The following MAK variants were observed in gnomAD, a reference collection of about 807,000 sequenced individuals.
The protein encoded by MAK is male germ cell associated kinase.
Under a neutral mutation model 82.6 loss-of-function variants are expected in MAK, and 65 were observed. The ratio of observed to expected loss-of-function variants is 0.79; its 90% CI spans 0.64 to 0.97. The LOEUF (loss-of-function observed/expected upper bound fraction) is 0.97, where lower values mean the gene tolerates loss of function less well. Ranked by LOEUF, MAK falls within the 50% of genes least tolerant of loss-of-function variation. MAK has a pLI of 0.00. For missense variants in MAK, 703 were observed against 780.2 expected (o/e 0.90, Z 1.18); for synonymous variants, 250 against 274.2 (o/e 0.91, Z 0.87).
intron 1 of MAK, chr6:10,838,022 A>T (rs112279545): frequency 6.6e-6 from 1 of 152,376 alleles, no homozygotes; most frequent in Non-Finnish European, 1.5e-5. Context: ...CCCTCCTTTT[A>T]GATTTTGCAA....
chr6:10,825,274 C>T (rs57007779), intron 2 of MAK, among the ~76,000 whole-genome samples: 3,495 of 152,210 alleles, frequency 0.023, 129 homozygotes, highest in African/African-American at 0.079. Context: ...CAATGTTGAG[C>T]CATTGAAAGA....
intron 6 of MAK, among the ~76,000 whole-genome samples, chr6:10,808,405 C>G (rs1485046180): frequency 6.6e-6 from 1 of 152,182 alleles, no homozygotes; most frequent in Non-Finnish European, 1.5e-5. Context: ...GGATTCATGT[C>G]TTCTGGTGAA....
intron 4 of MAK, among the ~76,000 whole-genome samples, chr6:10,815,246 A>T (rs563506406): frequency 6.6e-6 from 1 of 152,330 alleles, no homozygotes; most frequent in Non-Finnish European, 1.5e-5. Context: ...AGCTTGGGTG[A>T]CACAGCAAGA....
chr6:10,807,336 C>CTTTTTTTTT (rs35237927), intron 6 of MAK, among the ~76,000 whole-genome samples: 1 of 73,734 alleles, frequency 1.4e-5, no homozygotes, highest in Non-Finnish European at 2.4e-5. Flanking sequence ...ACATATATTC[C>CTTTTTTTTT]TTTTTTTTTT....
At chr6:10,782,297 G>C (rs902691926) in intron 11 of MAK, among the ~76,000 whole-genome samples, 2 of 151,722 alleles carry the variant, frequency 1.3e-5, no homozygotes, top group Admixed American at 1.3e-4. Context: ...CAAATACCCA[G>C]GGTTATAAAG....
chr6:10,835,874 A>G (rs974956925), intron 1 of MAK, among the ~76,000 whole-genome samples: 4 of 152,194 alleles, frequency 2.6e-5, no homozygotes, highest in African/African-American at 9.7e-5. Flanking sequence ...CTCTTCCACT[A>G]TTAAGGCCAT....
intron 6 of MAK, among the ~76,000 whole-genome samples, chr6:10,805,674 G>A (rs1266193770): frequency 1.3e-5 from 2 of 151,860 alleles, no homozygotes; most frequent in African/African-American, 4.8e-5. Context: ...TTCATCATAT[G>A]TTGTTTCACT....
At chr6:10,765,338 T>C (rs1229931717) in intron 14 of MAK, among the ~76,000 whole-genome samples, 1 of 152,084 alleles carries the variant, frequency 6.6e-6, no homozygotes, top group Non-Finnish European at 1.5e-5. Flanking sequence ...AAAATGTATT[T>C]GGAATTGTGA....
chr6:10,819,830 T>C (rs1387594139), intron 2 of MAK, among the ~76,000 whole-genome samples: 1 of 152,024 alleles, frequency 6.6e-6, no homozygotes, highest in African/African-American at 2.4e-5. Context: ...ACAGGATTCA[T>C]GGCCGGGCGC....
Position 10,776,142 on chromosome 6 carries a change from T to C in MAK, c.1466-683A>G, listed in dbSNP as rs1773441725. 6.6e-6 allele frequency among the ~76,000 whole-genome samples: 1 copy of C among 152,092 alleles called. No homozygotes were observed. The highest frequency in any genetic ancestry group is 1.5e-5 in the Non-Finnish European group (1 of 68,022). The stretch of plus-strand genomic sequence containing the variant: ...GAGCGTATATTCTTGGCCCAACCCT[T>C]GGTGTAGCAGGGAAAACAGACACGT... On this transcript the variant is annotated intron_variant, in intron 11 of 14. Coordinates refer to ENST00000354489, the MANE Select transcript of MAK (RefSeq NM_001242957.3). This position sits in a 1 kb window ranked among gnomAD's most constrained non-coding sequence, Gnocchi z 4.3.
At chr6:10,797,661 A>T (rs1386366127) in intron 8 of MAK, 1 of 985,320 alleles carries the variant, frequency 1.0e-6, no homozygotes, top group Non-Finnish European at 1.2e-6. Context: ...GTTCCTTAAG[A>T]TGGTCAAGCT....
At chr6:10,805,070 C>CGGGGGGGGTGGGGGGGGGG (rs1776309608) in intron 6 of MAK, among the ~76,000 whole-genome samples, 1 of 100,220 alleles carries the variant, frequency 1.0e-5, no homozygotes, top group Non-Finnish European at 1.9e-5. Flanking sequence ...ATGTGTGTGT[C>CGGGGGGGGTGGGGGGGGGG]GGGGGGGGGG....
chr6:10,770,365 T>TG, intron 13 of MAK, 135 bp from the exon 14 acceptor site: 3 of 949,508 alleles, frequency 3.2e-6, no homozygotes, highest in Non-Finnish European at 4.9e-6. Context: ...GAGCTGCACT[T>TG]GTTACAGATA....
intron 1 of MAK, among the ~76,000 whole-genome samples, chr6:10,836,880 G>A (rs1779179306): frequency 6.6e-6 from 1 of 152,118 alleles, no homozygotes; most frequent in Admixed American, 6.5e-5. Context: ...CTTAATTATA[G>A]ACCTACACAA....
chr6:10,811,831 T>C (rs1260374335), intron 5 of MAK, among the ~76,000 whole-genome samples: 2 of 152,182 alleles, frequency 1.3e-5, no homozygotes. Flanking sequence ...AATATTTATA[T>C]GGAATCCTGC....
At chr6:10,772,185 A>G (rs1249937825) in intron 13 of MAK, among the ~76,000 whole-genome samples, 1 of 152,124 alleles carries the variant, frequency 6.6e-6, no homozygotes, top group South Asian at 2.1e-4. Context: ...TGAACAGAAA[A>G]TTAAGTCTTC....
Position 10,833,391 on chromosome 6 carries a change from G to A in MAK, c.-229-2514C>T, listed in dbSNP as rs140208890. On this transcript the variant is annotated intron_variant, in intron 1 of 14. Transcript: ENST00000354489. ...AGGCCAAGACGGGTGGATCACCTGA[G>A]GTCAGGTGTTTGAGACCAGCCTGAC... 1.2e-4 allele frequency among the ~76,000 whole-genome samples: 18 copies of A among 152,256 alleles called. No homozygotes were observed. The East Asian group carries it at 3.5e-3, about 29-fold the overall frequency.
At chr6:10,819,576 G>A (rs1561996179) in intron 2 of MAK, among the ~76,000 whole-genome samples, 1 of 152,116 alleles carries the variant, frequency 6.6e-6, no homozygotes, top group Non-Finnish European at 1.5e-5. Context: ...AGGTTGTAGT[G>A]AGCCAAGATT....
At chr6:10,784,657 A>ACATCTCGCCCACCCTCTGCT in intron 10 of MAK, 85 bp from the exon 11 acceptor site, 1 of 1,245,146 alleles carries the variant, frequency 8.0e-7, no homozygotes, top group Non-Finnish European at 1.2e-6. Context: ...CACCCTCTGC[A>ACATCTCGCCCACCCTCTGCT]CATCTTCCTA....
Sources: allele counts gnomAD v4.1 joint callset (sites outside exome capture counted in the v4.1 genomes callset), GRCh38; gene constraint gnomAD v4.1.1; non-coding constraint Gnocchi (gnomAD v3.1); transcripts MANE v1.5; gene names NCBI Gene and HGNC (gene_info 2026-07-23, HGNC 2026-07-21).